The following DAB1 variants were observed in gnomAD, a reference collection of about 807,000 sequenced individuals.
The protein encoded by DAB1 is DAB adaptor protein 1.
Under a neutral mutation model 64.6 loss-of-function variants are expected in DAB1, and 15 were observed. That is an observed-to-expected ratio of 0.23 (90% CI 0.16 to 0.36). The LOEUF is 0.36. Ranked by LOEUF, DAB1 falls within the 10% of genes least tolerant of loss-of-function variation. The probability of loss-of-function intolerance (pLI) is 1.00; values close to 1 mark genes in which losing one functional copy is unlikely to be tolerated. For missense variants in DAB1, 596 were observed against 706.7 expected (o/e 0.84, Z 1.78); for synonymous variants, 235 against 251.9 (o/e 0.93, Z 0.64).
intron 7 of DAB1, among the ~76,000 whole-genome samples, chr1:57,516,401 T>C (rs1644463793): frequency 9.2e-5 from 14 of 152,210 alleles, no homozygotes; most frequent in Admixed American, 9.2e-4. Flanking sequence ...CCGGAGACTT[T>C]CTTGAATCTC....
At chr1:58,268,550 G>A (rs939649531) in intron 4 of DAB1, among the ~76,000 whole-genome samples, 1 of 152,114 alleles carries the variant, frequency 6.6e-6, no homozygotes, top group East Asian at 1.9e-4. Flanking sequence ...AGAGGACATA[G>A]GGGTGAATGA....
At chr1:57,623,122 G>A (rs1645881574) in intron 7 of DAB1, among the ~76,000 whole-genome samples, 1 of 152,090 alleles carries the variant, frequency 6.6e-6, no homozygotes, top group South Asian at 2.1e-4. Flanking sequence ...TGAAATCCGT[G>A]TTGGCATGCC....
At chr1:58,235,743 G>A (rs188230373) in intron 4 of DAB1, among the ~76,000 whole-genome samples, 9 of 152,270 alleles carry the variant, frequency 5.9e-5, no homozygotes, top group Admixed American at 3.3e-4. Context: ...GAACCAAACT[G>A]CAAAATCAAC....
chr1:57,522,369 G>A (rs934120699), intron 7 of DAB1, among the ~76,000 whole-genome samples: 2 of 152,176 alleles, frequency 1.3e-5, no homozygotes, highest in African/African-American at 2.4e-5. Context: ...GCACAGTGAA[G>A]AGCAAGGGAA....
At chr1:57,722,248 T>C (rs536991641) in intron 6 of DAB1, among the ~76,000 whole-genome samples, 3 of 152,222 alleles carry the variant, frequency 2.0e-5, no homozygotes, top group African/African-American at 7.2e-5. Flanking sequence ...CAGAGTTGAG[T>C]TCTGCTGAAC....
At chr1:57,896,545 C>T (rs1164510004) in intron 5 of DAB1, among the ~76,000 whole-genome samples, 1 of 152,042 alleles carries the variant, frequency 6.6e-6, no homozygotes, top group African/African-American at 2.4e-5. Flanking sequence ...CTGAGACAGA[C>T]TTCAGTGGAG....
At chr1:58,409,724 G>A (rs995399123) in intron 3 of DAB1, among the ~76,000 whole-genome samples, 2 of 152,126 alleles carry the variant, frequency 1.3e-5, no homozygotes, top group African/African-American at 4.8e-5. Flanking sequence ...TCATTAAGGT[G>A]CCTTGTAGGC....
chr1:57,028,083 T>A (rs887425828), intron 9 of DAB1, among the ~76,000 whole-genome samples: 6 of 152,080 alleles, frequency 3.9e-5, no homozygotes, highest in Non-Finnish European at 8.8e-5. Flanking sequence ...TAGAAGGAAA[T>A]TGATCTGGTT....
chr1:57,840,383 C>A (rs1557510503), intron 1 of DAB1, among the ~76,000 whole-genome samples: 1 of 152,054 alleles, frequency 6.6e-6, no homozygotes, highest in African/African-American at 2.4e-5. Context: ...ACTGTGAGAT[C>A]AGCATATCCA....
At chr1:57,889,902 G>GC (rs1273912832) in intron 5 of DAB1, among the ~76,000 whole-genome samples, 1 of 128,248 alleles carries the variant, frequency 7.8e-6, no homozygotes, top group African/African-American at 3.2e-5. Context: ...ACTGGGGCGG[G>GC]GGGGGGGGAG....
chr1:57,018,133 G>T (rs1049865987), intron 11 of DAB1, among the ~76,000 whole-genome samples: 1 of 152,194 alleles, frequency 6.6e-6, no homozygotes, highest in African/African-American at 2.4e-5. Context: ...CTTTGCATTT[G>T]ATTTTAATGC....
chr1:57,376,435 C>T (rs1032525376), intron 1 of DAB1, among the ~76,000 whole-genome samples: 3 of 152,230 alleles, frequency 2.0e-5, no homozygotes, highest in Non-Finnish European at 4.4e-5. Flanking sequence ...TCTGACCATA[C>T]TATTTACCAC....
intron 2 of DAB1, among the ~76,000 whole-genome samples, chr1:57,257,780 G>A (rs1313176887): frequency 6.6e-6 from 1 of 152,176 alleles, no homozygotes; most frequent in Non-Finnish European, 1.5e-5. Context: ...CCTCTTCAAG[G>A]CTTTGGTGGC....
intron 6 of DAB1, among the ~76,000 whole-genome samples, chr1:57,675,751 A>T (rs1558599926): frequency 6.6e-6 from 1 of 152,238 alleles, no homozygotes; most frequent in Non-Finnish European, 1.5e-5. Flanking sequence ...ATAGTTCATT[A>T]TATAATAATC....
intron 4 of DAB1, among the ~76,000 whole-genome samples, chr1:58,213,592 CCAT>C (rs1440308829): frequency 6.6e-6 from 1 of 152,102 alleles, no homozygotes; most frequent in African/African-American, 2.4e-5. Flanking sequence ...GTAACCACCA[CCAT>C]GATTTAATTA....
chr1:57,856,524 A>C (rs192296635), intron 1 of DAB1, among the ~76,000 whole-genome samples: 93 of 152,310 alleles, frequency 6.1e-4, no homozygotes, highest in Non-Finnish European at 1.2e-3. Context: ...GCACTTTGGG[A>C]GGCCGAGGCG....
chr1:58,469,661 G>C (rs547308522), intron 3 of DAB1, among the ~76,000 whole-genome samples: 2 of 152,136 alleles, frequency 1.3e-5, no homozygotes, highest in African/African-American at 4.8e-5. Flanking sequence ...AGTCCCAAGC[G>C]CTTACAAGGC....
At chr1:57,134,948 G>A (rs1286726085) in intron 4 of DAB1, among the ~76,000 whole-genome samples, 1 of 152,144 alleles carries the variant, frequency 6.6e-6, no homozygotes. Context: ...CACATAATAT[G>A]TATTTGATAA....
chr1:57,203,144 T>A (rs550690038), intron 2 of DAB1, among the ~76,000 whole-genome samples: 1 of 152,196 alleles, frequency 6.6e-6, no homozygotes, highest in East Asian at 1.9e-4. Flanking sequence ...CAGCACCATT[T>A]CTCTTAGCCA....
Sources: allele counts gnomAD v4.1 joint callset (sites outside exome capture counted in the v4.1 genomes callset), GRCh38; gene constraint gnomAD v4.1.1; transcripts MANE v1.5; gene names NCBI Gene and HGNC (gene_info 2026-07-23, HGNC 2026-07-21).